CDH10: variants seen among roughly 807,000 people sequenced by gnomAD.
CDH10 encodes cadherin 10.
A neutral mutation model predicts 73.1 loss-of-function variants in CDH10; 30 were observed. That is an observed-to-expected ratio of 0.41 (90% CI 0.31 to 0.56). The LOEUF (loss-of-function observed/expected upper bound fraction) is 0.56. Ranked by LOEUF, CDH10 falls within the 20% of genes least tolerant of loss-of-function variation. The pLI is 0.27. For missense variants in CDH10, 815 were observed against 973.7 expected, an observed-to-expected ratio of 0.84 and a Z score of 2.17; for synonymous variants, 345 against 348.2, an observed-to-expected ratio of 0.99 and a Z score of 0.10.
At chr5:24,595,934 T>C (rs540624961) in intron 1 of CDH10, among the ~76,000 whole-genome samples, 1 of 151,914 alleles carries the variant, frequency 6.6e-6, no homozygotes, top group South Asian at 2.1e-4. Flanking sequence ...GATCATTTCC[T>C]TTGTTATTGT....
intron 2 of CDH10, among the ~76,000 whole-genome samples, chr5:24,569,188 A>G (rs899774128): frequency 8.5e-5 from 13 of 152,286 alleles, no homozygotes; most frequent in African/African-American, 3.1e-4. Context: ...ACTTATATGA[A>G]TTACTTAGAA....
At chr5:24,549,463 AG>A (rs1744464859) in intron 2 of CDH10, among the ~76,000 whole-genome samples, 1 of 152,146 alleles carries the variant, frequency 6.6e-6, no homozygotes. Context: ...AGTACCTAGG[AG>A]AAAGACACAT....
chr5:24,500,124 T>A (rs771153983), intron 8 of CDH10, among the ~76,000 whole-genome samples: 1 of 152,192 alleles, frequency 6.6e-6, no homozygotes, highest in Admixed American at 6.5e-5. Context: ...GTAATCTAAA[T>A]AATTTTCAGA....
rs554058970 is a variant in CDH10 at position 24,487,549 on chromosome 5, G to GA, written c.*113dup. ...AATGAACAAATTAAGAAGTAAATGA[G>GA]AAAAAAAATTGTGCTGACTGGCAGG... On this transcript the variant is annotated 3_prime_UTR_variant, in exon 12 of 12. Coordinates refer to ENST00000264463, the MANE Select transcript of CDH10 (RefSeq NM_006727.5). 75 of 981,528 alleles carry GA rather than the reference G, an allele frequency of 7.6e-5. No individual in the cohort carries two copies. The highest frequency in any genetic ancestry group is 7.2e-4 in the East Asian group (30 of 41,556). The allele number at this position is 981,528 out of a possible 1,614,324, so 60.8% of individuals were successfully genotyped here. A position where few individuals can be genotyped will look rare whatever the true frequency, so the allele number is the denominator to read the frequency against.
intron 1 of CDH10, among the ~76,000 whole-genome samples, chr5:24,628,515 T>C (rs1329151055): frequency 6.6e-6 from 1 of 152,126 alleles, no homozygotes; most frequent in African/African-American, 2.4e-5. Context: ...GAAAAGCTTC[T>C]GGTTGACTTT....
chr5:24,592,222 T>C (rs1746223310), intron 2 of CDH10, among the ~76,000 whole-genome samples: 4 of 151,852 alleles, frequency 2.6e-5, no homozygotes, highest in Admixed American at 2.0e-4. Context: ...GAAAATGTTG[T>C]CTCAAAAACA....
chr5:24,554,523 C>T (rs1488869987), intron 2 of CDH10, among the ~76,000 whole-genome samples: 3 of 72,538 alleles, frequency 4.1e-5, no homozygotes, highest in Non-Finnish European at 6.1e-5. Context: ...TGTGTGTGCA[C>T]GTGCATGATT....
intron 1 of CDH10, among the ~76,000 whole-genome samples, chr5:24,600,750 T>C (rs1277561598): frequency 6.6e-6 from 1 of 152,126 alleles, no homozygotes; most frequent in African/African-American, 2.4e-5. Flanking sequence ...TAATGGGTTA[T>C]AAGAAAAGGA....
intron 3 of CDH10, among the ~76,000 whole-genome samples, chr5:24,536,225 A>T (rs1245552266): frequency 6.6e-6 from 1 of 152,078 alleles, no homozygotes; most frequent in Non-Finnish European, 1.5e-5. Context: ...AAAAATAATT[A>T]ACATCTGCTC....
intron 1 of CDH10, among the ~76,000 whole-genome samples, chr5:24,613,623 G>A (rs1210061624): frequency 6.6e-6 from 1 of 151,480 alleles, no homozygotes; most frequent in Non-Finnish European, 1.5e-5. Flanking sequence ...AGTCTCAGAA[G>A]TACAAATGGG....
intron 1 of CDH10, among the ~76,000 whole-genome samples, chr5:24,596,234 A>G (rs970129683): frequency 6.6e-6 from 1 of 151,946 alleles, no homozygotes; most frequent in Admixed American, 6.6e-5. Flanking sequence ...TATAAATATC[A>G]CTAATAATCA....
chr5:24,628,827 C>G (rs530024561), intron 1 of CDH10, among the ~76,000 whole-genome samples: 42 of 145,914 alleles, frequency 2.9e-4, no homozygotes, highest in South Asian at 2.3e-3. Context: ...CCGCCCCCCC[C>G]ACCCCGCTCC....
chr5:24,493,427 C>T (rs1230448972), intron 9 of CDH10, among the ~76,000 whole-genome samples: 2 of 151,774 alleles, frequency 1.3e-5, no homozygotes, highest in South Asian at 2.1e-4. Flanking sequence ...CTTACACTTT[C>T]AATAAAATTG....
intron 2 of CDH10, among the ~76,000 whole-genome samples, chr5:24,571,398 T>C (rs1289283070): frequency 1.3e-5 from 2 of 151,928 alleles, no homozygotes; most frequent in Non-Finnish European, 2.9e-5. Context: ...GGGTCAACAG[T>C]AAGAAAATGC....
intron 7 of CDH10, among the ~76,000 whole-genome samples, chr5:24,505,614 CAA>C (rs1290563950): frequency 6.6e-6 from 1 of 152,152 alleles, no homozygotes; most frequent in Non-Finnish European, 1.5e-5. Flanking sequence ...AAGAATAATA[CAA>C]AGATTTATTG....
chr5:24,579,756 T>C (rs1351695232), intron 2 of CDH10, among the ~76,000 whole-genome samples: 1 of 152,166 alleles, frequency 6.6e-6, no homozygotes, highest in East Asian at 1.9e-4. Flanking sequence ...TCATTGTTTT[T>C]TCTTCTCTCT....
chr5:24,632,039 G>A (rs1747720777), intron 1 of CDH10, among the ~76,000 whole-genome samples: 1 of 152,016 alleles, frequency 6.6e-6, no homozygotes, highest in Non-Finnish European at 1.5e-5. Context: ...CAGGGTGATG[G>A]TTGACTATGA....
chr5:24,494,449 T>C (rs556106805), intron 9 of CDH10, among the ~76,000 whole-genome samples: 2 of 152,070 alleles, frequency 1.3e-5, no homozygotes, highest in South Asian at 4.1e-4. Context: ...GACAGTAGAC[T>C]ACTAGAAATC....
intron 2 of CDH10, among the ~76,000 whole-genome samples, chr5:24,581,100 C>A (rs1357642418): frequency 6.6e-6 from 1 of 152,078 alleles, no homozygotes; most frequent in African/African-American, 2.4e-5. Flanking sequence ...GTGTGGCCAT[C>A]CTTGGGGGCC....
Sources: allele counts gnomAD v4.1 joint callset (sites outside exome capture counted in the v4.1 genomes callset), GRCh38; gene constraint gnomAD v4.1.1; transcripts MANE v1.5; gene names NCBI Gene and HGNC (gene_info 2026-07-23, HGNC 2026-07-21).